The following ADAMTSL1 variants were observed in gnomAD, a reference collection of about 807,000 sequenced individuals.
ADAMTSL1 encodes the protein ADAMTS-like protein 1.
Under a neutral mutation model 201.8 loss-of-function variants are expected in ADAMTSL1, and 126 were observed. The observed-to-expected ratio is 0.62, with a 90% CI of 0.54 to 0.72. The LOEUF (loss-of-function observed/expected upper bound fraction) is 0.72. Ranked by LOEUF, ADAMTSL1 falls within the 30% of genes least tolerant of loss-of-function variation. The pLI, the probability that ADAMTSL1 is intolerant of heterozygous loss-of-function variation, is 0.00. For missense variants in ADAMTSL1, 2,679 were observed against 2,277.8 expected, an observed-to-expected ratio of 1.18 and a Z score of -3.59; for synonymous variants, 1,121 against 903.4, an observed-to-expected ratio of 1.24 and a Z score of -4.32.
At chr9:18,217,283 A>G (rs1830089007) in intron 2 of ADAMTSL1, among the ~76,000 whole-genome samples, 1 of 152,216 alleles carries the variant, frequency 6.6e-6, no homozygotes, top group Admixed American at 6.5e-5. Flanking sequence ...TGTGAAGTTT[A>G]GATGAGGAGC....
intron 23 of ADAMTSL1, among the ~76,000 whole-genome samples, chr9:18,861,480 T>G (rs1827213237): frequency 1.3e-5 from 2 of 152,152 alleles, no homozygotes; most frequent in South Asian, 4.1e-4. Flanking sequence ...GTCCACTAAA[T>G]GCTCCACAGG....
At chr9:18,653,273 G>A (rs991427127) in intron 7 of ADAMTSL1, among the ~76,000 whole-genome samples, 9 of 152,114 alleles carry the variant, frequency 5.9e-5, no homozygotes, top group Admixed American at 5.9e-4. Context: ...GTTCAGCTCT[G>A]GTCATTGGTT....
intron 20 of ADAMTSL1, among the ~76,000 whole-genome samples, chr9:18,804,303 A>C (rs987051422): frequency 6.6e-6 from 1 of 152,222 alleles, no homozygotes; most frequent in African/African-American, 2.4e-5. Context: ...AACAAATGAA[A>C]GGAAAATGTC....
In ADAMTSL1 at chr9:18,681,840, G is replaced by C. The variant is rs1441468357; in HGVS notation, c.1370G>C (p.Arg457Thr). Residue 457 changes from arginine (R) to threonine (T), a missense_variant, in exon 12 of 29, where the codon AGA becomes ACA. Transcript: ENST00000380548. ...ACAGTGACATGTGGCCAGGGCCTCAGATACCGTGTGGTCCTCTGCATCGAC... is the reference window on the plus strand; with the variant it reads ...ACAGTGACATGTGGCCAGGGCCTCACATACCGTGTGGTCCTCTGCATCGAC... ...PCTVTCGQGL[R>T]YRVVLCIDHR... is the part of the protein sequence containing the mutation. 1.2e-6 allele frequency: 2 copies of C among 1,613,738 alleles called. No homozygotes were observed. Among genetic ancestry groups the C allele is most frequent in the Admixed American group, 1.7e-5 (1 of 60,006 alleles).
chr9:18,197,600 A>T (rs888407205), intron 2 of ADAMTSL1, among the ~76,000 whole-genome samples: 3 of 148,270 alleles, frequency 2.0e-5, no homozygotes, highest in Admixed American at 6.8e-5. Context: ...GCGGTTTTCT[A>T]GATATACAAT....
intron 4 of ADAMTSL1, among the ~76,000 whole-genome samples, chr9:18,604,521 C>CT (rs1206895786): frequency 6.6e-6 from 1 of 151,972 alleles, no homozygotes; most frequent in Non-Finnish European, 1.5e-5. Flanking sequence ...AATATTTGTC[C>CT]TTTTTTTGTC....
At chr9:18,506,199 A>G (rs1564004177) in intron 2 of ADAMTSL1, among the ~76,000 whole-genome samples, 1 of 152,242 alleles carries the variant, frequency 6.6e-6, no homozygotes, top group Non-Finnish European at 1.5e-5. Flanking sequence ...GCTGATAAGA[A>G]AGACTAGACT....
rs1396426196 is a variant in ADAMTSL1 at position 18,710,667 on chromosome 9, TTTTG to T, written c.1876+3623_1876+3626del. Among the ~76,000 whole-genome samples the T allele has an allele frequency of 1.9e-3, 139 of 74,438 alleles. 6 individuals carry two copies. Among genetic ancestry groups the T allele is most frequent in the African/African-American group, 4.0e-3 (95 of 23,680 alleles). 48.8% of individuals were successfully genotyped at this position (74,438 alleles called of 152,430 possible). On this transcript the variant is annotated intron_variant, in intron 14 of 28. Coordinates refer to ENST00000380548, the MANE Select transcript of ADAMTSL1 (RefSeq NM_001040272.6). ...CAGTCTTAGAAGGGCCTAAGTTTTG[TTTTG>T]TTTTTTTTTTTTTTTTTTTACAAAA...
At chr9:18,030,060 G>T (rs1330269003) in intron 1 of ADAMTSL1, among the ~76,000 whole-genome samples, 2 of 152,116 alleles carry the variant, frequency 1.3e-5, no homozygotes, top group Admixed American at 6.5e-5. Flanking sequence ...TATACCCAAA[G>T]GATTATAAAT....
chr9:18,323,482 G>A (rs969005771), intron 2 of ADAMTSL1, among the ~76,000 whole-genome samples: 1 of 151,808 alleles, frequency 6.6e-6, no homozygotes, highest in Non-Finnish European at 1.5e-5. Context: ...GCAAATCAAG[G>A]ATGTTTGCAC....
intron 26 of ADAMTSL1, among the ~76,000 whole-genome samples, chr9:18,903,401 A>G (rs1001268250): frequency 2.0e-5 from 3 of 152,236 alleles, no homozygotes; most frequent in African/African-American, 4.8e-5. Context: ...AAAAACAGGC[A>G]TAAACTAAAC....
rs550797674 is a variant in ADAMTSL1, at chr9:18,481,512, T to C, written c.63+7217T>C. 2.0e-5 allele frequency among the ~76,000 whole-genome samples: 3 copies of C among 152,268 alleles called. No homozygotes were observed. The East Asian group carries it at 5.8e-4, about 29-fold the overall frequency. On this transcript the variant is annotated intron_variant, in intron 1 of 28. Coordinates refer to ENST00000380548, the MANE Select transcript of ADAMTSL1 (RefSeq NM_001040272.6). ...TTTTGTTGTCAAGAGTTTTTTTTTT[T>C]TTTAATTTTTCAAAACACAACTCTT...
chr9:18,706,395 T>C (rs901021335), intron 13 of ADAMTSL1, among the ~76,000 whole-genome samples: 5 of 152,152 alleles, frequency 3.3e-5, no homozygotes, highest in Non-Finnish European at 7.4e-5. Flanking sequence ...AGTGGGGTCT[T>C]ATAAAACAAA....
At chr9:17,982,614 G>A (rs1414737481) in intron 1 of ADAMTSL1, among the ~76,000 whole-genome samples, 2 of 150,022 alleles carry the variant, frequency 1.3e-5, no homozygotes, top group Non-Finnish European at 3.0e-5. Context: ...TCCGTCTCAG[G>A]GAAAAATAAA....
intron 1 of ADAMTSL1, among the ~76,000 whole-genome samples, chr9:17,925,763 A>C (rs1312500757): frequency 2.7e-5 from 4 of 148,452 alleles, no homozygotes; most frequent in Non-Finnish European, 1.5e-5. Flanking sequence ...CTAGATGACG[A>C]GTTAGTGGGT....
At chr9:18,709,094 T>C (rs1018001947) in intron 14 of ADAMTSL1, among the ~76,000 whole-genome samples, 2 of 152,214 alleles carry the variant, frequency 1.3e-5, no homozygotes, top group African/African-American at 4.8e-5. Context: ...GGTCTTTAAA[T>C]GTCAACAACT....
intron 2 of ADAMTSL1, among the ~76,000 whole-genome samples, chr9:18,184,931 G>T (rs1249867578): frequency 6.6e-6 from 1 of 152,108 alleles, no homozygotes; most frequent in Admixed American, 6.5e-5. Context: ...TGGGTCTATT[G>T]TTCTAACTTT....
chr9:18,777,287 C>G lies in ADAMTSL1; in HGVS notation c.3058C>G (p.Arg1020Gly). The change falls in exon 19 of 29, where the codon CGC becomes GGC. Residue 1020 changes from arginine (R) to glycine (G), a missense_variant. Arg to Gly is a moderately radical substitution (Grantham distance 125, BLOSUM62 -2). Transcript: ENST00000380548. ...KRGLAANPGS[R>G]YDDLVSRLLE... is the part of the protein sequence containing the mutation. ...GGGCCTGGCCGCCAACCCGGGGAGC[C>G]GCTACGACGACCTCGTCTCCCGGCT... The G allele has an allele frequency of 6.2e-7, 1 of 1,607,470 alleles. No homozygotes were observed. The highest frequency in any genetic ancestry group is 8.5e-7 in the Non-Finnish European group (1 of 1,177,330).
At chr9:18,551,587 G>A (rs916928656) in intron 3 of ADAMTSL1, among the ~76,000 whole-genome samples, 12 of 148,634 alleles carry the variant, frequency 8.1e-5, no homozygotes, top group Non-Finnish European at 1.5e-5. Flanking sequence ...GTATAGCCTA[G>A]TGCCCAAAGA....
Sources: gnomAD v4.1 joint callset for allele counts (sites outside exome capture counted in the v4.1 genomes callset) on GRCh38, gnomAD v4.1.1 for gene constraint, MANE v1.5 for transcripts, NCBI Gene and HGNC (gene_info 2026-07-23, HGNC 2026-07-21) for gene names.